METTL6: variants seen among roughly 807,000 people sequenced by gnomAD.
The protein encoded by METTL6 is tRNA N(3)-cytidine methyltransferase METTL6.
In METTL6, 22 loss-of-function variants were observed where a neutral mutation model predicts 26.4. That is an observed-to-expected ratio of 0.83 (90% CI 0.59 to 1.19). The LOEUF is 1.19. METTL6 is among the 50% of genes most tolerant of loss of function. The pLI, the probability that METTL6 is intolerant of heterozygous loss-of-function variation, is 0.00. For missense variants in METTL6, 304 were observed against 324.8 expected, an observed-to-expected ratio of 0.94 and a Z score of 0.49; for synonymous variants, 109 against 116.2, an observed-to-expected ratio of 0.94 and a Z score of 0.40.
chr3:15,393,115 C>A (rs904310374), intron 6 of METTL6, among the ~76,000 whole-genome samples: 1 of 152,186 alleles, frequency 6.6e-6, no homozygotes, highest in African/African-American at 2.4e-5. Context: ...GATATTGATT[C>A]TTCCTACCCA....
downstream of METTL6, among the ~76,000 whole-genome samples, chr3:15,406,586 TTATATATATATATATATATATATATATA>T (rs57272118): frequency 5.0e-4 from 9 of 17,888 alleles, no homozygotes; most frequent in African/African-American, 1.5e-3. Flanking sequence ...AAACAAACAG[TTATATATATATATATATATATATATATA>T]TATATATATA....
downstream of METTL6, among the ~76,000 whole-genome samples, chr3:15,406,615 TATATATATATATATAGAG>T (rs1399305288): frequency 6.0e-3 from 328 of 54,456 alleles, 1 homozygote; most frequent in East Asian, 0.015. Context: ...TATATATATA[TATATATATATATATAGAG>T]AGAGAGAGAG....
chr3:15,414,151 T>G lies in METTL6; in HGVS notation c.543A>C (p.Pro181=), dbSNP rs1700089451. The G allele has an allele frequency of 6.2e-7, 1 of 1,612,284 alleles. No homozygotes were observed. The highest frequency in any genetic ancestry group is 1.7e-5 in the Admixed American group (1 of 59,562). ...VLQNIYKVLK[P]GKSVLFRDYG... ...AGTCACGAAACAAGACACTTTTGCC[T>G]GGTTTTAATACCTATGAAACAAAAG... is the stretch of plus-strand genomic sequence containing the variant. The change falls in exon 5 of 6, where the codon CCA becomes CCC. Residue 181 remains proline, a synonymous_variant. Coordinates refer to ENST00000383790, the MANE Select transcript of METTL6 (RefSeq NM_152396.4).
At chr3:15,414,897 G>C (rs959937494) in intron 4 of METTL6, 5 of 1,047,660 alleles carry the variant, frequency 4.8e-6, no homozygotes, top group Admixed American at 5.8e-5. Context: ...ACTCCAGCCT[G>C]AGTGACACAG....
downstream of METTL6, among the ~76,000 whole-genome samples, chr3:15,406,707 C>T (rs1405073203): frequency 1.4e-5 from 2 of 145,444 alleles, no homozygotes; most frequent in African/African-American, 5.1e-5. Flanking sequence ...AGTGCAATGG[C>T]ATGATCTTGG....
intron 6 of METTL6, among the ~76,000 whole-genome samples, chr3:15,401,923 T>C (rs576544352): frequency 1.3e-5 from 2 of 152,346 alleles, no homozygotes; most frequent in Admixed American, 6.5e-5. Context: ...ACTGTGCCTA[T>C]GGAGTAGCCA....
intron 6 of METTL6, among the ~76,000 whole-genome samples, chr3:15,390,785 G>A (rs2124900845): frequency 6.6e-6 from 1 of 152,320 alleles, no homozygotes; most frequent in South Asian, 2.1e-4. Context: ...CAACACCCAG[G>A]TTCTTGTCCA....
intron 6 of METTL6, among the ~76,000 whole-genome samples, chr3:15,392,770 T>C (rs1392830663): frequency 2.6e-5 from 4 of 152,240 alleles, no homozygotes; most frequent in Non-Finnish European, 5.9e-5. Context: ...ATCCCATTTC[T>C]TGTTTTTGTC....
intron 6 of METTL6, among the ~76,000 whole-genome samples, chr3:15,404,049 TTTATGACCTATATC>T (rs1699723388): frequency 6.6e-6 from 1 of 152,162 alleles, no homozygotes; most frequent in African/African-American, 2.4e-5. Context: ...AAGCATGGTT[TTTATGACCTATATC>T]TTATGCTGAC....
chr3:15,393,923 A>T (rs866061843), intron 6 of METTL6, among the ~76,000 whole-genome samples: 4 of 152,338 alleles, frequency 2.6e-5, no homozygotes, highest in Middle Eastern at 3.4e-3. Flanking sequence ...GGATTTTTGC[A>T]TCGATGTTCA....
chr3:15,427,494 A>C lies in METTL6; in HGVS notation c.-217T>G, dbSNP rs2290536. 413,174 of 482,832 alleles carry C rather than the reference A, an allele frequency of 0.86. 177,811 individuals are homozygous for C. Among genetic ancestry groups the C allele is most frequent in the East Asian group, 0.97 (22,731 of 23,502 alleles). The allele number at this position is 482,832 out of a possible 1,614,324, so 29.9% of individuals were successfully genotyped here. The stretch of plus-strand genomic sequence containing the variant: ...ATTCTGAGGACCACGAATTCGGATT[A>C]TCCGGGAGTTCTTTTGCCATGGCAC... On this transcript the variant is annotated 5_prime_UTR_variant, in exon 1 of 6. Coordinates refer to ENST00000383790, the MANE Select transcript of METTL6 (RefSeq NM_152396.4).
chr3:15,413,072 G>C (rs1256768604), intron 5 of METTL6, among the ~76,000 whole-genome samples: 1 of 151,944 alleles, frequency 6.6e-6, no homozygotes, highest in Non-Finnish European at 1.5e-5. Flanking sequence ...TGGCAAAACC[G>C]CATCTCTACT....
chr3:15,402,756 GA>G (rs796595234), intron 6 of METTL6, among the ~76,000 whole-genome samples: 2,105 of 131,064 alleles, frequency 0.016, 24 homozygotes, highest in African/African-American at 0.032. Context: ...AAAAGAAAAA[GA>G]AAAAAAAAAA....
At chr3:15,385,549 G>A (rs1699170114) in intron 6 of METTL6, among the ~76,000 whole-genome samples, 1 of 152,182 alleles carries the variant, frequency 6.6e-6, no homozygotes, top group African/African-American at 2.4e-5. Flanking sequence ...AGTGAGCCAA[G>A]ATTGTGCCAC....
At chr3:15,393,244 TTC>T (rs1415853034) in intron 6 of METTL6, among the ~76,000 whole-genome samples, 1 of 152,218 alleles carries the variant, frequency 6.6e-6, no homozygotes, top group Admixed American at 6.5e-5. Flanking sequence ...AGGTATTTCA[TTC>T]TCTTTGAAGC....
chr3:15,401,045 CT>C (rs369602192), intron 6 of METTL6, among the ~76,000 whole-genome samples: 186 of 144,560 alleles, frequency 1.3e-3, no homozygotes, highest in Non-Finnish European at 1.2e-3. Context: ...GTATTTTCTT[CT>C]TTTTTTTTTT....
chr3:15,411,532 A>G, intron 5 of METTL6, 95 bp from the exon 6 acceptor site: 1 of 1,232,690 alleles, frequency 8.1e-7, no homozygotes, highest in African/African-American at 1.6e-5. Context: ...GGCTATTTTA[A>G]TATTTTTTTA....
At chr3:15,421,232 G>C (rs560185341) in intron 3 of METTL6, among the ~76,000 whole-genome samples, 2 of 152,158 alleles carry the variant, frequency 1.3e-5, no homozygotes, top group Non-Finnish European at 2.9e-5. Context: ...TAGATGTCTT[G>C]ATGTGACAAC....
At position 15,426,048 on chromosome 3, in the gene METTL6, C is replaced by T. The variant is rs185964875; in HGVS notation, c.225+239G>A. On this transcript the variant is annotated intron_variant, in intron 2 of 5. Coordinates refer to ENST00000383790, the MANE Select transcript of METTL6 (RefSeq NM_152396.4). Reference sequence around the variant, plus strand: ...CTCCGCCTCCCGGGTTCAAGCGATTCTCCTGCCTCAGCCTTCCAAGTAGCT... The same window carrying T: ...CTCCGCCTCCCGGGTTCAAGCGATTTTCCTGCCTCAGCCTTCCAAGTAGCT... Among the ~76,000 whole-genome samples, 404 of 152,310 alleles carry T rather than the reference C, an allele frequency of 2.7e-3. 6 individuals carry two copies. Among genetic ancestry groups the T allele is most frequent in the Non-Finnish European group, 2.1e-3 (141 of 68,030 alleles).
Sources: allele counts gnomAD v4.1 joint callset (sites outside exome capture counted in the v4.1 genomes callset), GRCh38; gene constraint gnomAD v4.1.1; transcripts MANE v1.5; gene names NCBI Gene and HGNC (gene_info 2026-07-23, HGNC 2026-07-21).